LRTM2: variants seen among roughly 807,000 people sequenced by gnomAD.
LRTM2 encodes leucine rich repeat transmembrane protein 2.
Under a neutral mutation model 28.1 loss-of-function variants are expected in LRTM2, and 18 were observed. The observed-to-expected ratio is 0.64, with a 90% CI of 0.44 to 0.95. The LOEUF (loss-of-function observed/expected upper bound fraction) is 0.95. LRTM2 is among the 40% of genes least tolerant of loss of function. The probability of loss-of-function intolerance (pLI) is 0.00; values close to 1 mark genes in which losing one functional copy is unlikely to be tolerated. For missense variants in LRTM2, 436 were observed against 497.2 expected (o/e 0.88, Z 1.17); for synonymous variants, 250 against 218.7 (o/e 1.14, Z -1.26).
chr12:1,834,658 G>A lies in LRTM2; in HGVS notation c.1050G>A (p.Gln350=). 6.2e-7 allele frequency: 1 copy of A among 1,601,426 alleles called. No homozygotes were observed. The highest frequency in any genetic ancestry group is 1.3e-5 in the African/African-American group (1 of 75,054). The stretch of plus-strand genomic sequence containing the variant: ...ACCACCGGGAGCTCAAAAAGCGCCA[G>A]CCCCTGATGGGGGACCCCGAGGGCG... ...AKYHRELKKR[Q]PLMGDPEGEH... is the part of the protein sequence containing the mutation. Residue 350 remains glutamine, a synonymous_variant, in exon 5 of 5, where the codon CAG becomes CAA. Transcript: ENST00000299194. This position sits in a 1 kb window ranked among gnomAD's most constrained non-coding sequence, Gnocchi z 7.6.
In LRTM2 at chr12:1,835,512, T is replaced by C. The variant is rs1592698250; in HGVS notation, c.*791T>C. On this transcript the variant is annotated 3_prime_UTR_variant, in exon 5 of 5. Coordinates refer to ENST00000299194, the MANE Select transcript of LRTM2 (RefSeq NM_001039029.3). ...GCAGAGACATGCTCTTCCCCAGGGG[T>C]CTCCCTGAGACCACAGAGCCTCTCG... The C allele has an allele frequency of 6.6e-6, 1 of 152,082 alleles. No homozygotes were observed. The highest frequency in any genetic ancestry group is 1.9e-4 in the East Asian group (1 of 5,142). The allele number at this position is 152,082 out of a possible 1,614,324, so 9.4% of individuals were successfully genotyped here.
In LRTM2 at chr12:1,828,294, A is replaced by G. The variant is rs912899701; in HGVS notation, c.67+79A>G. 3.2e-6 allele frequency: 4 copies of G among 1,246,800 alleles called. No homozygotes were observed. Among genetic ancestry groups the G allele is most frequent in the Middle Eastern group, 2.0e-4 (1 of 5,038 alleles). 77.2% of individuals were successfully genotyped at this position (1,246,800 alleles called of 1,614,324 possible). On this transcript the variant is annotated intron_variant, in intron 3 of 4. Transcript: ENST00000299194. This position sits in a 1 kb window ranked among gnomAD's most constrained non-coding sequence, Gnocchi z 4.2. ...GTGACTGTAGGTAGCGCCATATGGG[A>G]CCTTAGCCACACTCAGGCTGCAGGG...
rs1395018966 is a variant in LRTM2, at chr12:1,829,643, C to T, written c.68-1292C>T. 6.6e-6 allele frequency among the ~76,000 whole-genome samples: 1 copy of T among 151,374 alleles called. No homozygotes were observed. Among genetic ancestry groups the T allele is most frequent in the Non-Finnish European group, 1.5e-5 (1 of 67,788 alleles). On this transcript the variant is annotated intron_variant, in intron 3 of 4. Transcript: ENST00000299194. The surrounding 1 kb of genome is among the most constrained non-coding windows in gnomAD (Gnocchi z 4.2). ...CCTTTGGGACAGCAGACACCCAGACCCCTACTGGACAAGACTCAAGGCTGT... is the reference window on the plus strand; with the variant it reads ...CCTTTGGGACAGCAGACACCCAGACTCCTACTGGACAAGACTCAAGGCTGT...
rs1864866098 is a variant in LRTM2, at chr12:1,836,506, G to C, written c.*1785G>C. 1.3e-5 allele frequency: 2 copies of C among 152,444 alleles called. No homozygotes were observed. The highest frequency in any genetic ancestry group is 4.8e-5 in the African/African-American group (2 of 41,576). 9.4% of individuals were successfully genotyped at this position (152,444 alleles called of 1,614,324 possible). A position where few individuals can be genotyped will look rare whatever the true frequency, so the allele number is the denominator to read the frequency against. On this transcript the variant is annotated 3_prime_UTR_variant, in exon 5 of 5. Coordinates refer to ENST00000299194, the MANE Select transcript of LRTM2 (RefSeq NM_001039029.3). ...GCCTTTGAGGAGGTCAGTCCTGGCA[G>C]GTGGACAGAGGACGCCTGGCATGGG...
intron 1 of LRTM2, among the ~76,000 whole-genome samples, chr12:1,824,950 G>C (rs759741006): frequency 6.6e-6 from 1 of 152,224 alleles, no homozygotes; most frequent in Non-Finnish European, 1.5e-5. Context: ...GAAGCCCAAG[G>C]GACCCAGGGA....
chr12:1,829,812 G>A lies in LRTM2; in HGVS notation c.68-1123G>A, dbSNP rs569453416. Reference sequence around the variant, plus strand: ...GGCTGGGGTCTTTTCTCTAGGCTGGGTGGAACTGACCTCGGCTGGGCTGAC... The same window carrying A: ...GGCTGGGGTCTTTTCTCTAGGCTGGATGGAACTGACCTCGGCTGGGCTGAC... On this transcript the variant is annotated intron_variant, in intron 3 of 4. Coordinates refer to ENST00000299194, the MANE Select transcript of LRTM2 (RefSeq NM_001039029.3). The surrounding 1 kb of genome is among the most constrained non-coding windows in gnomAD (Gnocchi z 4.2). Among the ~76,000 whole-genome samples, 182 of 152,028 alleles carry A rather than the reference G, an allele frequency of 1.2e-3. 4 individuals are homozygous for A. In the Middle Eastern group the frequency reaches 0.051, roughly 43 times the overall value.
intron 1 of LRTM2, among the ~76,000 whole-genome samples, chr12:1,825,119 G>T (rs1051015769): frequency 6.6e-6 from 1 of 152,238 alleles, no homozygotes; most frequent in Non-Finnish European, 1.5e-5. Context: ...CCGGACTTGT[G>T]CAGGTGACAT....
rs928447688 is a variant in LRTM2 at position 1,831,238 on chromosome 12, G to A, written c.371G>A (p.Arg124His). 12 of 1,613,574 alleles carry A rather than the reference G, an allele frequency of 7.4e-6. No individual in the cohort carries two copies. The highest frequency in any genetic ancestry group is 2.2e-5 in the East Asian group (1 of 44,896). Reference protein sequence around the residue: ...DLTNLTELQLRNNSIRTLDRD... With the variant: ...DLTNLTELQLHNNSIRTLDRD... Reference sequence around the variant, plus strand: ...ACGAATCTGACTGAGCTTCAGCTGCGCAATAACAGCATCAGGACCCTGGAC... The same window carrying A: ...ACGAATCTGACTGAGCTTCAGCTGCACAATAACAGCATCAGGACCCTGGAC... The change falls in exon 4 of 5, where the codon CGC becomes CAC. Residue 124 changes from arginine (R) to histidine (H), a missense_variant. Transcript: ENST00000299194.
Position 1,831,534 on chromosome 12 carries a change from A to G in LRTM2, c.658+9A>G, listed in dbSNP as rs1331030454. The G allele has an allele frequency of 6.2e-7, 1 of 1,607,014 alleles. No homozygotes were observed. The highest frequency in any genetic ancestry group is 1.1e-5 in the South Asian group (1 of 90,582). On this transcript the variant is annotated intron_variant, in intron 4 of 4. Transcript: ENST00000299194. ...GTGGTTCTCCTACCGAGGTGAGCGC[A>G]GCCGGCCCTGCTGGGGCCCGAGGGA... is the stretch of plus-strand genomic sequence containing the variant.
chr12:1,822,767 G>T (rs1864158143), intron 1 of LRTM2, among the ~76,000 whole-genome samples: 1 of 152,222 alleles, frequency 6.6e-6, no homozygotes, highest in Non-Finnish European at 1.5e-5. Flanking sequence ...GGGGTGATGG[G>T]CAGCTGTCCT....
Position 1,834,997 on chromosome 12 carries a change from G to A in LRTM2, c.*276G>A, listed in dbSNP as rs186891929. ...CTAAGCTCTGGCCACAGCAAAGCAA[G>A]GAGGTGTGTGCAAGAGGAGGCTTCC... On this transcript the variant is annotated 3_prime_UTR_variant, in exon 5 of 5. Transcript: ENST00000299194. The surrounding 1 kb of genome is among the most constrained non-coding windows in gnomAD (Gnocchi z 7.6). The A allele has an allele frequency of 3.0e-4, 149 of 503,494 alleles. No individual in the cohort carries two copies. Among genetic ancestry groups the A allele is most frequent in the African/African-American group, 2.7e-3 (139 of 51,994 alleles). The allele number at this position is 503,494 out of a possible 1,614,324, so 31.2% of individuals were successfully genotyped here. A position where few individuals can be genotyped will look rare whatever the true frequency, so the allele number is the denominator to read the frequency against.
chr12:1,822,084 A>G (rs1362218559), intron 1 of LRTM2: 2 of 152,104 alleles, frequency 1.3e-5, no homozygotes, highest in Non-Finnish European at 2.9e-5. Context: ...ACCGGCAGAA[A>G]GAAAGTCTCA....
rs1182378419 is a variant in LRTM2, at chr12:1,833,607, C to T, written c.659-660C>T. On this transcript the variant is annotated intron_variant, in intron 4 of 4. Transcript: ENST00000299194. The surrounding 1 kb of genome is among the most constrained non-coding windows in gnomAD (Gnocchi z 4.2). The stretch of plus-strand genomic sequence containing the variant: ...TACTTACAGGGCTGTGGTTGGGGCA[C>T]CGATGGGGCCATTGGATTGCTCCTA... Among the ~76,000 whole-genome samples, 1 of 152,182 alleles carries T rather than the reference C, an allele frequency of 6.6e-6. No individual in the cohort carries two copies. The highest frequency in any genetic ancestry group is 1.5e-5 in the Non-Finnish European group (1 of 68,040).
At position 1,831,313 on chromosome 12, in the gene LRTM2, T is replaced by C; in HGVS notation, c.446T>C (p.Ile149Thr). 1 of 1,613,844 alleles carries C rather than the reference T, an allele frequency of 6.2e-7. No homozygotes were observed. The highest frequency in any genetic ancestry group is 8.5e-7 in the Non-Finnish European group (1 of 1,180,032). The change falls in exon 4 of 5, where the codon ATC (isoleucine) becomes ACC (threonine). Residue 149 changes from isoleucine (I) to threonine (T), a missense_variant. By Grantham distance (89) the Ile-to-Thr change is moderately conservative (BLOSUM62 -1). Transcript: ENST00000299194. The stretch of plus-strand genomic sequence containing the variant: ...CTGCTCCGCCACCTGGACCTGTCCA[T>C]CAACGGCCTGGCCCAGTTGCCCCCT... ...SPLLRHLDLS[I>T]NGLAQLPPGL...
At chr12:1,830,391 G>A (rs888616424) in intron 3 of LRTM2, among the ~76,000 whole-genome samples, 5 of 152,296 alleles carry the variant, frequency 3.3e-5, no homozygotes, top group Admixed American at 6.5e-5. Context: ...TTGTGCTCTC[G>A]CCTTTCCATA....
intron 1 of LRTM2, chr12:1,823,256 G>A (rs2154446515): frequency 6.6e-6 from 1 of 152,490 alleles, no homozygotes; most frequent in South Asian, 2.1e-4. Context: ...CTGAGAGGAA[G>A]GGTGCGGACA....
intron 1 of LRTM2, among the ~76,000 whole-genome samples, chr12:1,826,635 C>T (rs60322754): frequency 0.01 from 1,569 of 152,318 alleles, 34 homozygotes; most frequent in African/African-American, 0.036. Context: ...CTGGCACCCT[C>T]GCTGCGTGGG....
At position 1,831,168 on chromosome 12, in the gene LRTM2, A is replaced by G; in HGVS notation, c.301A>G (p.Asn101Asp). ...CAGCCTGCAGCGGTTGGACCTGTCC[A>G]ACAACTTCCTGGACCGGCTGCCCCG... ...LSSLQRLDLS[N>D]NFLDRLPRSI... is the part of the protein sequence containing the mutation. Residue 101 changes from asparagine to aspartate, a missense_variant, in exon 4 of 5, where the codon AAC becomes GAC. Coordinates refer to ENST00000299194, the MANE Select transcript of LRTM2 (RefSeq NM_001039029.3). 1.2e-6 allele frequency: 2 copies of G among 1,613,992 alleles called. No individual in the cohort carries two copies. Among genetic ancestry groups the G allele is most frequent in the Non-Finnish European group, 1.7e-6 (2 of 1,180,014 alleles).
Position 1,836,118 on chromosome 12 carries a change from C to T in LRTM2, c.*1397C>T, listed in dbSNP as rs1185981486. On this transcript the variant is annotated 3_prime_UTR_variant, in exon 5 of 5. Transcript: ENST00000299194. ...CGGGCTTTGTCTGCTCAGTGTGGCT[C>T]CCTAGAGCACCCAGCCGGGGCCAAA... The T allele has an allele frequency of 6.6e-6, 1 of 152,312 alleles. No homozygotes were observed. Among genetic ancestry groups the T allele is most frequent in the Non-Finnish European group, 1.5e-5 (1 of 68,108 alleles). The allele number at this position is 152,312 out of a possible 1,614,324, so 9.4% of individuals were successfully genotyped here. A position where few individuals can be genotyped will look rare whatever the true frequency, so the allele number is the denominator to read the frequency against.
Sources: allele counts gnomAD v4.1 joint callset (sites outside exome capture counted in the v4.1 genomes callset), GRCh38; gene constraint gnomAD v4.1.1; non-coding constraint Gnocchi (gnomAD v3.1); transcripts MANE v1.5; gene names NCBI Gene and HGNC (gene_info 2026-07-23, HGNC 2026-07-21).